SLC24A4: variants seen among roughly 807,000 people sequenced by gnomAD.
SLC24A4 encodes the protein solute carrier family 24 member 4.
SLC24A4 carries 53 observed loss-of-function variants against 79.0 expected under a neutral mutation model. That is an observed-to-expected ratio of 0.67 (90% CI 0.54 to 0.84). The LOEUF (loss-of-function observed/expected upper bound fraction) is 0.84, where lower values mean the gene tolerates loss of function less well. Ranked by LOEUF, SLC24A4 falls within the 40% of genes least tolerant of loss-of-function variation. SLC24A4 has a pLI of 0.00. For synonymous variants in SLC24A4, 323 were observed against 323.8 expected, an observed-to-expected ratio of 1.00 and a Z score of 0.03; for missense variants, 731 against 822.0, an observed-to-expected ratio of 0.89 and a Z score of 1.35.
rs1225445348 is a variant in SLC24A4, at chr14:92,346,890, C to G, written c.241+20912C>G. On this transcript the variant is annotated intron_variant, in intron 2 of 16. Coordinates refer to ENST00000532405, the MANE Select transcript of SLC24A4 (RefSeq NM_153646.4). The stretch of plus-strand genomic sequence containing the variant: ...GCTGGGTTGGGTGGGGATGTGGCCT[C>G]TCTTGCTCTCAAAGATTCTGTGTAT... 3.3e-5 allele frequency among the ~76,000 whole-genome samples: 5 copies of G among 152,226 alleles called. No individual in the cohort carries two copies. The East Asian group carries it at 7.7e-4, about 24-fold the overall frequency.
intron 2 of SLC24A4, among the ~76,000 whole-genome samples, chr14:92,361,724 G>A (rs1181139712): frequency 1.3e-5 from 2 of 152,110 alleles, no homozygotes; most frequent in African/African-American, 4.8e-5. Flanking sequence ...AGAGAGGTGC[G>A]ATGTCTCGAC....
Position 92,493,607 on chromosome 14 carries a change from G to C in SLC24A4, c.1848G>C (p.Pro616=). Reference sequence around the variant, plus strand: ...ACGTCTTTACCTTCGTCAACTTGCCGATGTGCCGGGAAGACGATTAGCGCT... The same window carrying C: ...ACGTCTTTACCTTCGTCAACTTGCCCATGTGCCGGGAAGACGATTAGCGCT... ...EFNVFTFVNL[P]MCREDD is the part of the protein sequence containing the mutation. The change falls in exon 17 of 17, where the codon CCG becomes CCC. Residue 616 remains proline, a synonymous_variant. Transcript: ENST00000532405. 1 of 1,614,128 alleles carries C rather than the reference G, an allele frequency of 6.2e-7. No homozygotes were observed. The highest frequency in any genetic ancestry group is 8.5e-7 in the Non-Finnish European group (1 of 1,180,014).
Position 92,448,419 on chromosome 14 carries a change from T to A in SLC24A4, c.738-655T>A, listed in dbSNP as rs151097714. Among the ~76,000 whole-genome samples the A allele has an allele frequency of 2.7e-5, 4 of 147,970 alleles. No individual in the cohort carries two copies. The East Asian group carries it at 8.1e-4, about 30-fold the overall frequency. ...GAGCTGAGCCATGTTCAGGTTCATC[T>A]TCCTCCTCATACCGCGATACGTAAT... On this transcript the variant is annotated intron_variant, in intron 9 of 16. Transcript: ENST00000532405.
At chr14:92,389,823 T>C (rs1230513983) in intron 2 of SLC24A4, among the ~76,000 whole-genome samples, 1 of 152,122 alleles carries the variant, frequency 6.6e-6, no homozygotes, top group Non-Finnish European at 1.5e-5. Flanking sequence ...GCAGGTCTCA[T>C]TTCCTGTGTC....
intron 2 of SLC24A4, among the ~76,000 whole-genome samples, chr14:92,327,668 C>T (rs1240309560): frequency 6.6e-6 from 1 of 152,204 alleles, no homozygotes; most frequent in Non-Finnish European, 1.5e-5. Context: ...CGTACATAGC[C>T]TGAGTATGTT....
chr14:92,373,436 C>G (rs1196119934), intron 2 of SLC24A4, among the ~76,000 whole-genome samples: 1 of 152,208 alleles, frequency 6.6e-6, no homozygotes, highest in East Asian at 1.9e-4. Flanking sequence ...AGACAGGCAC[C>G]TAAGGCATCA....
At chr14:92,420,018 AG>A (rs1299219928) in intron 2 of SLC24A4, among the ~76,000 whole-genome samples, 1 of 152,196 alleles carries the variant, frequency 6.6e-6, no homozygotes, top group Non-Finnish European at 1.5e-5. Context: ...AGATAAAGAC[AG>A]GGGCAGACAT....
rs574182455 is a variant in SLC24A4 at position 92,478,920 on chromosome 14, T to C, written c.1256-3760T>C. Among the ~76,000 whole-genome samples the C allele has an allele frequency of 8.5e-5, 13 of 152,318 alleles. 1 individual carries two copies. The South Asian group carries it at 2.1e-3, about 24-fold the overall frequency. On this transcript the variant is annotated intron_variant, in intron 12 of 16. Transcript: ENST00000532405. Reference sequence around the variant, plus strand: ...TCAGCATACAAATTCTCTACTACTTTTGTTGCATAAATGTTAGGTTTTTAA... The same window carrying C: ...TCAGCATACAAATTCTCTACTACTTCTGTTGCATAAATGTTAGGTTTTTAA...
rs749875657 is a variant in SLC24A4 at position 92,443,320 on chromosome 14, C to T, written c.583-80C>T. The T allele has an allele frequency of 7.6e-4, 1,025 of 1,354,192 alleles. 1 individual carries two copies. The highest frequency in any genetic ancestry group is 9.7e-4 in the Non-Finnish European group (928 of 952,530). 83.9% of individuals were successfully genotyped at this position (1,354,192 alleles called of 1,614,324 possible). ...AGCTCTGTGGGCATGCCCTGCACTG[C>T]GGGGGGAGGAGGCCTGGGCAGCTGC... On this transcript the variant is annotated intron_variant, in intron 6 of 16. Coordinates refer to ENST00000532405, the MANE Select transcript of SLC24A4 (RefSeq NM_153646.4).
chr14:92,486,832 C>T, intron 14 of SLC24A4, 52 bp downstream of exon 14: 2 of 1,332,030 alleles, frequency 1.5e-6, no homozygotes, highest in East Asian at 4.9e-5. Context: ...CCACTGTGTC[C>T]TCGTCCCTGC....
chr14:92,480,286 C>CTTTTTTTTTTTTTTTT (rs66533065), intron 12 of SLC24A4, among the ~76,000 whole-genome samples: 12 of 63,128 alleles, frequency 1.9e-4, no homozygotes, highest in East Asian at 5.2e-4. Context: ...AGATCTTTCC[C>CTTTTTTTTTTTTTTTT]TTTTTTTTTT....
chr14:92,347,659 T>C (rs966001892), intron 2 of SLC24A4, among the ~76,000 whole-genome samples: 1 of 152,218 alleles, frequency 6.6e-6, no homozygotes, highest in Non-Finnish European at 1.5e-5. Context: ...CCGGGTGAGG[T>C]GGCTCACGCC....
intron 2 of SLC24A4, among the ~76,000 whole-genome samples, chr14:92,378,680 T>C (rs781516239): frequency 6.6e-6 from 1 of 152,222 alleles, no homozygotes; most frequent in African/African-American, 2.4e-5. Flanking sequence ...CTTACTGATA[T>C]CTTTTGAATG....
intron 6 of SLC24A4, 39 bp downstream of exon 6, chr14:92,442,855 T>G (rs1892581462): frequency 6.6e-7 from 1 of 1,511,438 alleles, no homozygotes; most frequent in Non-Finnish European, 9.2e-7. Flanking sequence ...ATGCATGCCC[T>G]GAAGCGTGGG....
At chr14:92,443,858 C>T (rs990300517) in intron 7 of SLC24A4, among the ~76,000 whole-genome samples, 2 of 152,164 alleles carry the variant, frequency 1.3e-5, no homozygotes, top group African/African-American at 2.4e-5. Flanking sequence ...TGCAGGGTCA[C>T]TCATGTGGCT....
Position 92,497,915 on chromosome 14 carries a change from A to G in SLC24A4, c.*4287A>G, listed in dbSNP as rs1014906542. The G allele has an allele frequency of 1.3e-5, 2 of 152,180 alleles. No individual in the cohort carries two copies. Among genetic ancestry groups the G allele is most frequent in the African/African-American group, 4.8e-5 (2 of 41,428 alleles). 9.4% of individuals were successfully genotyped at this position (152,180 alleles called of 1,614,324 possible). ...ACCTGTTAGAGTGAAAATCCTCAGG[A>G]GATTGTACCCAAATGCCATGCTCTA... On this transcript the variant is annotated 3_prime_UTR_variant, in exon 17 of 17. Transcript: ENST00000532405.
intron 7 of SLC24A4, among the ~76,000 whole-genome samples, chr14:92,445,018 A>T (rs1278336572): frequency 6.6e-6 from 1 of 151,128 alleles, no homozygotes; most frequent in Non-Finnish European, 1.5e-5. Context: ...TAGCAACTCT[A>T]CTCCATGAAT....
chr14:92,362,928 C>A (rs1287084241), intron 2 of SLC24A4, among the ~76,000 whole-genome samples: 1 of 152,232 alleles, frequency 6.6e-6, no homozygotes, highest in East Asian at 1.9e-4. Context: ...GCCATGCCGG[C>A]AGGTGGCATG....
At chr14:92,340,441 C>T (rs1292526348) in intron 2 of SLC24A4, among the ~76,000 whole-genome samples, 2 of 152,226 alleles carry the variant, frequency 1.3e-5, no homozygotes, top group African/African-American at 2.4e-5. Flanking sequence ...TGGGACGTTG[C>T]TGGCAGTGGA....
Sources: allele counts gnomAD v4.1 joint callset (sites outside exome capture counted in the v4.1 genomes callset), GRCh38; gene constraint gnomAD v4.1.1; transcripts MANE v1.5; gene names NCBI Gene and HGNC (gene_info 2026-07-23, HGNC 2026-07-21).